Variants in SGCG observed in about 807,000 individuals in gnomAD.
SGCG encodes gamma-sarcoglycan.
In SGCG, 26 loss-of-function variants were observed where a neutral mutation model predicts 29.3. The observed-to-expected ratio is 0.89, with a 90% CI of 0.65 to 1.23. SGCG has a LOEUF of 1.23. Among genes scored for constraint, SGCG ranks in the 50% most tolerant of loss-of-function variants. The pLI is 0.00. For missense variants in SGCG, 353 were observed against 356.0 expected, an observed-to-expected ratio of 0.99 and a Z score of 0.07; for synonymous variants, 145 against 129.7, an observed-to-expected ratio of 1.12 and a Z score of -0.80.
At chr13:23,285,486 C>T (rs1175527533) in intron 5 of SGCG, among the ~76,000 whole-genome samples, 2 of 152,216 alleles carry the variant, frequency 1.3e-5, no homozygotes, top group Middle Eastern at 3.2e-3. Flanking sequence ...CCCAGGTCAA[C>T]TTTAGACTGC....
intron 2 of SGCG, among the ~76,000 whole-genome samples, chr13:23,214,783 C>A (rs1212281457): frequency 6.6e-6 from 1 of 152,182 alleles, no homozygotes; most frequent in Non-Finnish European, 1.5e-5. Context: ...AACGCTGTAG[C>A]ATTTTTAACC....
the SGCG span, among the ~76,000 whole-genome samples, chr13:23,172,940 C>A: frequency 6.6e-6 from 1 of 152,146 alleles, no homozygotes; most frequent in Non-Finnish European, 1.5e-5. Flanking sequence ...AGATTCTCAA[C>A]AAAGATATGT....
intron 4 of SGCG, among the ~76,000 whole-genome samples, chr13:23,258,228 A>T (rs947555912): frequency 2.6e-4 from 40 of 152,138 alleles, no homozygotes; most frequent in African/African-American, 9.7e-4. Flanking sequence ...TTCGTTGAGC[A>T]GTGGTTTGTA....
intron 4 of SGCG, among the ~76,000 whole-genome samples, chr13:23,265,576 CA>C (rs554933345): frequency 7.3e-5 from 11 of 150,812 alleles, no homozygotes; most frequent in Non-Finnish European, 1.3e-4. Flanking sequence ...GACTCCGTCT[CA>C]AAAAAAATAA....
chr13:23,164,908 C>T, the SGCG span, among the ~76,000 whole-genome samples: 2 of 152,178 alleles, frequency 1.3e-5, no homozygotes, highest in Non-Finnish European at 2.9e-5. Flanking sequence ...AGCATGTACC[C>T]TTCCCTCTTC....
chr13:23,201,460 G>A (rs953159378), intron 1 of SGCG, among the ~76,000 whole-genome samples: 1 of 152,018 alleles, frequency 6.6e-6, no homozygotes, highest in East Asian at 1.9e-4. Flanking sequence ...GTTATCACGG[G>A]GGTCCCTGTG....
At chr13:23,203,663 C>A (rs370616345) in intron 1 of SGCG, 32 bp from the exon 2 acceptor site, 1 of 1,559,988 alleles carries the variant, frequency 6.4e-7, no homozygotes, top group Non-Finnish European at 8.8e-7. Flanking sequence ...CTGTCTCTTT[C>A]TCTCTCCTCT....
chr13:23,305,590 C>T (rs1882334827), intron 6 of SGCG, among the ~76,000 whole-genome samples: 1 of 152,210 alleles, frequency 6.6e-6, no homozygotes, highest in African/African-American at 2.4e-5. Context: ...GTAAGCATCA[C>T]TGCCTTTTTC....
At chr13:23,290,747 A>G (rs1881674308) in intron 5 of SGCG, among the ~76,000 whole-genome samples, 1 of 152,208 alleles carries the variant, frequency 6.6e-6, no homozygotes, top group Non-Finnish European at 1.5e-5. Flanking sequence ...CTTAACAAAT[A>G]GTTATCAGTG....
At chr13:23,196,376 G>C (rs1018838709) in intron 1 of SGCG, among the ~76,000 whole-genome samples, 11 of 70,896 alleles carry the variant, frequency 1.6e-4, no homozygotes, top group African/African-American at 5.8e-4. Context: ...ATATCTTTTG[G>C]GGGGGTTATT....
At chr13:23,251,184 C>A (rs896591312) in intron 4 of SGCG, among the ~76,000 whole-genome samples, 3 of 152,224 alleles carry the variant, frequency 2.0e-5, no homozygotes, top group African/African-American at 7.2e-5. Context: ...GGCTGTATCA[C>A]TTCTCACTGT....
chr13:23,221,659 G>A lies in SGCG; in HGVS notation c.196-12952G>A, dbSNP rs543229201. ...GCACAATGTGGTGAGGCTTATATGAGAGATAGGCTCAAACCTTTGTAGGGA... is the reference window on the plus strand; with the variant it reads ...GCACAATGTGGTGAGGCTTATATGAAAGATAGGCTCAAACCTTTGTAGGGA... On this transcript the variant is annotated intron_variant, in intron 2 of 7. Transcript: ENST00000218867. 5.3e-5 allele frequency among the ~76,000 whole-genome samples: 8 copies of A among 152,314 alleles called. No homozygotes were observed. In the South Asian group the frequency reaches 1.7e-3, roughly 32 times the overall value.
chr13:23,264,408 A>G (rs957702736), intron 4 of SGCG, among the ~76,000 whole-genome samples: 1 of 152,188 alleles, frequency 6.6e-6, no homozygotes, highest in African/African-American at 2.4e-5. Context: ...ACTACAAAAC[A>G]TTGCTGAAAG....
intron 5 of SGCG, among the ~76,000 whole-genome samples, chr13:23,286,505 T>C (rs1228048304): frequency 6.6e-6 from 1 of 152,204 alleles, no homozygotes; most frequent in Non-Finnish European, 1.5e-5. Flanking sequence ...AATTTAACTA[T>C]TACAGTTGTT....
At chr13:23,290,166 T>A (rs1230170627) in intron 5 of SGCG, among the ~76,000 whole-genome samples, 2 of 152,192 alleles carry the variant, frequency 1.3e-5, no homozygotes, top group Non-Finnish European at 2.9e-5. Context: ...GGAGAATTCA[T>A]TTGCAGGGCA....
chr13:23,285,743 C>T (rs1477764791), intron 5 of SGCG, among the ~76,000 whole-genome samples: 1 of 151,968 alleles, frequency 6.6e-6, no homozygotes, highest in Non-Finnish European at 1.5e-5. Flanking sequence ...GTGGTGTAGG[C>T]ACCTGAGGGA....
At chr13:23,221,497 C>CTTA (rs1333645942) in intron 2 of SGCG, among the ~76,000 whole-genome samples, 3 of 152,162 alleles carry the variant, frequency 2.0e-5, no homozygotes, top group Non-Finnish European at 4.4e-5. Context: ...TATGGTGGAT[C>CTTA]TTAGAGCTGC....
intron 3 of SGCG, among the ~76,000 whole-genome samples, chr13:23,241,006 G>T (rs865944317): frequency 6.6e-6 from 1 of 151,800 alleles, no homozygotes; most frequent in African/African-American, 2.4e-5. Flanking sequence ...AAAATTAACC[G>T]GGCGTGGTGG....
chr13:23,300,011 A>G (rs475992), intron 6 of SGCG, among the ~76,000 whole-genome samples: 84,786 of 152,054 alleles, frequency 0.56, 24,669 homozygotes, highest in East Asian at 0.84. Context: ...TACAACTTCT[A>G]TTGGAGGCAT....
Sources: allele counts gnomAD v4.1 joint callset (sites outside exome capture counted in the v4.1 genomes callset), GRCh38; gene constraint gnomAD v4.1.1; transcripts MANE v1.5; gene names NCBI Gene and HGNC (gene_info 2026-07-23, HGNC 2026-07-21).